MARCHF1: variants seen among roughly 807,000 people sequenced by gnomAD.
MARCHF1 encodes the protein E3 ubiquitin-protein ligase MARCHF1.
A neutral mutation model predicts 54.2 loss-of-function variants in MARCHF1; 40 were observed. The observed-to-expected ratio is 0.74, with a 90% CI of 0.57 to 0.96. The LOEUF (loss-of-function observed/expected upper bound fraction) is 0.96. Ranked by LOEUF, MARCHF1 falls within the 40% of genes least tolerant of loss-of-function variation. The pLI is 0.00. For synonymous variants in MARCHF1, 236 were observed against 236.3 expected (o/e 1.00, Z 0.01); for missense variants, 586 against 656.5 (o/e 0.89, Z 1.17).
At chr4:163,774,873 G>A (rs1489354655) in intron 4 of MARCHF1, among the ~76,000 whole-genome samples, 1 of 152,074 alleles carries the variant, frequency 6.6e-6, no homozygotes, top group Non-Finnish European at 1.5e-5. Context: ...ATCTTCTAAA[G>A]GAGGAAATTG....
At chr4:163,850,105 G>A (rs903630104) in intron 4 of MARCHF1, among the ~76,000 whole-genome samples, 3 of 152,128 alleles carry the variant, frequency 2.0e-5, no homozygotes, top group Non-Finnish European at 4.4e-5. Flanking sequence ...GTCATTCCAG[G>A]AATGCTTCTT....
At chr4:163,961,261 C>T (rs2110811660) in intron 3 of MARCHF1, among the ~76,000 whole-genome samples, 1 of 152,076 alleles carries the variant, frequency 6.6e-6, no homozygotes, top group Admixed American at 6.6e-5. Flanking sequence ...ATAACCATTA[C>T]TCAATTCCAT....
intron 5 of MARCHF1, among the ~76,000 whole-genome samples, chr4:163,682,922 C>T (rs186280985): frequency 1.7e-4 from 26 of 152,122 alleles, no homozygotes; most frequent in East Asian, 1.5e-3. Context: ...AGTGTGAGAA[C>T]GGGCTAATAC....
At chr4:163,861,207 C>T (rs1749923369) in intron 3 of MARCHF1, among the ~76,000 whole-genome samples, 1 of 151,754 alleles carries the variant, frequency 6.6e-6, no homozygotes, top group African/African-American at 2.4e-5. Context: ...CTGGAAGTGC[C>T]CAAGAAAGGT....
At chr4:163,721,814 C>A (rs143257390) in intron 4 of MARCHF1, among the ~76,000 whole-genome samples, 2 of 152,040 alleles carry the variant, frequency 1.3e-5, no homozygotes, top group Non-Finnish European at 2.9e-5. Context: ...AGTTTGCTTG[C>A]GTAGAGGTGT....
intron 3 of MARCHF1, among the ~76,000 whole-genome samples, chr4:163,884,816 A>G (rs1448454964): frequency 6.6e-6 from 1 of 152,182 alleles, no homozygotes; most frequent in Admixed American, 6.5e-5. Flanking sequence ...TTAGTAATTG[A>G]AACCAGTACT....
chr4:163,652,829 G>T (rs917010772), intron 5 of MARCHF1, among the ~76,000 whole-genome samples: 3 of 151,812 alleles, frequency 2.0e-5, no homozygotes, highest in African/African-American at 7.2e-5. Context: ...CCAGTTGCCT[G>T]CCTGAAGTCC....
chr4:164,207,683 T>C (rs1731649787), intron 1 of MARCHF1, among the ~76,000 whole-genome samples: 1 of 152,120 alleles, frequency 6.6e-6, no homozygotes, highest in Non-Finnish European at 1.5e-5. Flanking sequence ...AAGGCAGTTG[T>C]AGGGGGAACG....
At chr4:164,340,187 C>G (rs373194903) in intron 1 of MARCHF1, among the ~76,000 whole-genome samples, 111 of 151,380 alleles carry the variant, frequency 7.3e-4, no homozygotes, top group African/African-American at 2.6e-3. Context: ...CAATCATTCT[C>G]CAGCTCTTCT....
At chr4:164,115,624 G>T (rs1047420929) in intron 1 of MARCHF1, among the ~76,000 whole-genome samples, 3 of 151,762 alleles carry the variant, frequency 2.0e-5, no homozygotes, top group Admixed American at 6.6e-5. Context: ...AATGAGTCAA[G>T]TCATTTTGAA....
intron 1 of MARCHF1, among the ~76,000 whole-genome samples, chr4:164,176,980 CTA>C (rs71595261): frequency 0.032 from 1,894 of 58,326 alleles, 42 homozygotes; most frequent in East Asian, 0.065. Context: ...CTCTCTCTCT[CTA>C]TATATATATA....
At chr4:164,114,798 T>TA (rs1755907652) in intron 1 of MARCHF1, among the ~76,000 whole-genome samples, 1 of 147,268 alleles carries the variant, frequency 6.8e-6, no homozygotes, top group Non-Finnish European at 1.5e-5. Flanking sequence ...CAGAGTGAAT[T>TA]ACCAAAAAAA....
chr4:164,331,720 C>T (rs958234851), intron 1 of MARCHF1, among the ~76,000 whole-genome samples: 6 of 152,048 alleles, frequency 3.9e-5, no homozygotes, highest in Non-Finnish European at 7.4e-5. Flanking sequence ...TATAATAATT[C>T]TCAAGACAAA....
At chr4:164,035,738 C>A (rs115260124) in intron 2 of MARCHF1, among the ~76,000 whole-genome samples, 1 of 151,120 alleles carries the variant, frequency 6.6e-6, no homozygotes, top group Non-Finnish European at 1.5e-5. Flanking sequence ...TTTCCTGGTT[C>A]CAAGTAAACT....
At chr4:164,350,927 A>G (rs1051240530) in intron 1 of MARCHF1, among the ~76,000 whole-genome samples, 1 of 152,050 alleles carries the variant, frequency 6.6e-6, no homozygotes, top group Non-Finnish European at 1.5e-5. Context: ...GAGCCGAAGC[A>G]GGGCGAGGCA....
chr4:163,706,761 A>T (rs1026758672), intron 4 of MARCHF1, among the ~76,000 whole-genome samples: 1 of 152,018 alleles, frequency 6.6e-6, no homozygotes, highest in East Asian at 1.9e-4. Flanking sequence ...AAATGATCTT[A>T]AAAAACAATG....
At chr4:163,777,755 C>T (rs572642650) in intron 4 of MARCHF1, among the ~76,000 whole-genome samples, 1 of 152,180 alleles carries the variant, frequency 6.6e-6, no homozygotes, top group South Asian at 2.1e-4. Flanking sequence ...TACTGTTTTC[C>T]TGTAAGTTTT....
chr4:164,189,824 G>A (rs1028212373), intron 1 of MARCHF1: 1 of 1,591,948 alleles, frequency 6.3e-7, no homozygotes, highest in Non-Finnish European at 8.6e-7. Flanking sequence ...CATTTGATCT[G>A]ACTGGAATTC....
intron 1 of MARCHF1, among the ~76,000 whole-genome samples, chr4:164,203,248 T>C (rs960878884): frequency 6.6e-6 from 1 of 151,702 alleles, no homozygotes; most frequent in Admixed American, 6.6e-5. Flanking sequence ...AGCAATTTTA[T>C]TGGACATTCA....
Sources: allele counts gnomAD v4.1 joint callset (sites outside exome capture counted in the v4.1 genomes callset), GRCh38; gene constraint gnomAD v4.1.1; transcripts MANE v1.5; gene names NCBI Gene and HGNC (gene_info 2026-07-23, HGNC 2026-07-21).